PMS1: variants seen among roughly 807,000 people sequenced by gnomAD.
PMS1 encodes the protein PMS1 protein homolog 1.
In PMS1, 79 loss-of-function variants were observed where a neutral mutation model predicts 93.1. The observed-to-expected ratio is 0.85, with a 90% CI of 0.71 to 1.02. The LOEUF is 1.02. Ranked by LOEUF, PMS1 falls within the 50% of genes least tolerant of loss-of-function variation. The pLI is 0.00. For synonymous variants in PMS1, 335 were observed against 363.4 expected, an observed-to-expected ratio of 0.92 and a Z score of 0.89; for missense variants, 1,064 against 1,085.3, an observed-to-expected ratio of 0.98 and a Z score of 0.28.
At chr2:189,869,831 A>AG (rs1348785184) in intron 11 of PMS1, among the ~76,000 whole-genome samples, 1 of 151,860 alleles carries the variant, frequency 6.6e-6, no homozygotes, top group Non-Finnish European at 1.5e-5. Context: ...AAAAAAAAAA[A>AG]AAGATGTTAA....
At position 189,855,145 on chromosome 2, in the gene PMS1, T is replaced by C; in HGVS notation, c.1856+17T>C. 6.2e-7 allele frequency: 1 copy of C among 1,602,696 alleles called. No homozygotes were observed. Among genetic ancestry groups the C allele is most frequent in the Non-Finnish European group, 8.5e-7 (1 of 1,170,678 alleles). Reference sequence around the variant, plus strand: ...AAAACTGAAGTAAGTTTCCAGAGCTTGCATGTGACTTGAATGTTCAGCTAT... The same window carrying C: ...AAAACTGAAGTAAGTTTCCAGAGCTCGCATGTGACTTGAATGTTCAGCTAT... On this transcript the variant is annotated intron_variant, in intron 9 of 12. Coordinates refer to ENST00000441310, the MANE Select transcript of PMS1 (RefSeq NM_000534.5).
rs765529423 is a variant in PMS1, at chr2:189,854,694, T to C, written c.1422T>C (p.His474=). ...AGTCAGAAAATGGCAATAAAGACCATATAGATGAGAGTGGGGAAAATGAGG... is the reference window on the plus strand; with the variant it reads ...AGTCAGAAAATGGCAATAAAGACCACATAGATGAGAGTGGGGAAAATGAGG... ...HTQSENGNKD[H]IDESGENEEE... The change falls in exon 9 of 13, where the codon CAT becomes CAC. Residue 474 remains histidine (H), a synonymous_variant. Transcript: ENST00000441310. 1.1e-5 allele frequency: 18 copies of C among 1,613,708 alleles called. 1 individual carries two copies. In the South Asian group the frequency reaches 1.9e-4, roughly 17 times the overall value.
intron 4 of PMS1, among the ~76,000 whole-genome samples, chr2:189,809,209 A>G (rs942332082): frequency 6.6e-6 from 1 of 152,180 alleles, no homozygotes; most frequent in Admixed American, 6.5e-5. Flanking sequence ...GATATATTCA[A>G]GCAACCATAC....
At chr2:189,862,192 AC>A (rs1212895387) in intron 9 of PMS1, among the ~76,000 whole-genome samples, 1 of 152,164 alleles carries the variant, frequency 6.6e-6, no homozygotes, top group African/African-American at 2.4e-5. Flanking sequence ...TAAAAACAAC[AC>A]ATTTTATCAT....
chr2:189,835,594 A>G (rs186391991), intron 5 of PMS1, among the ~76,000 whole-genome samples: 69 of 152,310 alleles, frequency 4.5e-4, no homozygotes, highest in Middle Eastern at 3.4e-3. Flanking sequence ...AGATCTATTT[A>G]TAGTAACTTG....
intron 3 of PMS1, among the ~76,000 whole-genome samples, chr2:189,803,029 A>ACAGG (rs143617164): frequency 1.2e-3 from 177 of 152,308 alleles, no homozygotes; most frequent in Non-Finnish European, 2.1e-3. Flanking sequence ...CAATACTTGC[A>ACAGG]CAGGCAGGCA....
intron 5 of PMS1, among the ~76,000 whole-genome samples, chr2:189,843,108 C>A (rs2053956924): frequency 6.6e-6 from 1 of 152,020 alleles, no homozygotes; most frequent in South Asian, 2.1e-4. Flanking sequence ...ACCTCCGCCT[C>A]CCCAGTTCAA....
At position 189,855,054 on chromosome 2, in the gene PMS1, T is replaced by G. The variant is rs755308444; in HGVS notation, c.1782T>G (p.Pro594=). Residue 594 remains proline, a synonymous_variant, in exon 9 of 13, where the codon CCT becomes CCG. Transcript: ENST00000441310. Reference sequence around the variant, plus strand: ...GTCCTCAGTTTCTCATAGAAAATCCTAAGACTAGTTTAGAGGATGCAACAC... The same window carrying G: ...GTCCTCAGTTTCTCATAGAAAATCCGAAGACTAGTTTAGAGGATGCAACAC... ...DHRPQFLIEN[P]KTSLEDATLQ... is the part of the protein sequence containing the mutation. 1.6e-5 allele frequency: 26 copies of G among 1,613,204 alleles called. No homozygotes were observed. Among genetic ancestry groups the G allele is most frequent in the Admixed American group, 1.3e-4 (8 of 59,988 alleles).
rs1235598100 is a variant in PMS1 at position 189,858,795 on chromosome 2, TA to T, written c.1856+3669del. ...CTTTAAAATTGTGAATATAGCAAGG[TA>T]AGTAACCAAAGGAGCCATTTTTTTA... On this transcript the variant is annotated intron_variant, in intron 9 of 12. Transcript: ENST00000441310. 2.0e-5 allele frequency among the ~76,000 whole-genome samples: 3 copies of T among 152,218 alleles called. No individual in the cohort carries two copies. In the East Asian group the frequency reaches 5.8e-4, roughly 29 times the overall value.
intron 3 of PMS1, among the ~76,000 whole-genome samples, chr2:189,802,369 A>G (rs2049968607): frequency 6.6e-6 from 1 of 152,210 alleles, no homozygotes; most frequent in Non-Finnish European, 1.5e-5. Context: ...TGTTATTAAG[A>G]AAATTATAAG....
intron 9 of PMS1, among the ~76,000 whole-genome samples, chr2:189,860,307 T>C (rs1481580595): frequency 6.6e-6 from 1 of 152,216 alleles, no homozygotes; most frequent in African/African-American, 2.4e-5. Flanking sequence ...GAACTTCACA[T>C]GTGTATAAAA....
At chr2:189,855,394 G>T (rs1235810883) in intron 9 of PMS1, among the ~76,000 whole-genome samples, 1 of 150,116 alleles carries the variant, frequency 6.7e-6, no homozygotes, top group Non-Finnish European at 1.5e-5. Context: ...TTTGCTAAAG[G>T]TTTTCCATTC....
chr2:189,792,209 T>C (rs1357275277), intron 2 of PMS1, among the ~76,000 whole-genome samples: 2 of 152,224 alleles, frequency 1.3e-5, no homozygotes, highest in African/African-American at 4.8e-5. Context: ...TCTACAAATA[T>C]TGGTTATTCA....
chr2:189,834,526 C>G (rs947794384), intron 5 of PMS1, among the ~76,000 whole-genome samples: 4 of 152,086 alleles, frequency 2.6e-5, no homozygotes, highest in African/African-American at 9.7e-5. Flanking sequence ...GGAAAATGAT[C>G]TCGTTGTCTG....
intron 6 of PMS1, among the ~76,000 whole-genome samples, chr2:189,847,043 A>G (rs953909264): frequency 5.4e-4 from 82 of 151,536 alleles, no homozygotes; most frequent in African/African-American, 7.3e-4. Context: ...TGTATTTTTA[A>G]TAGAGATGGG....
intron 5 of PMS1, 133 bp from the exon 6 acceptor site, chr2:189,843,831 C>T (rs925466038): frequency 1.3e-6 from 1 of 758,532 alleles, no homozygotes; most frequent in South Asian, 1.5e-5. Context: ...CCTCATAGCT[C>T]ATGAATCTCT....
chr2:189,875,903 G>A (rs1238386792), intron 12 of PMS1, among the ~76,000 whole-genome samples: 1 of 144,352 alleles, frequency 6.9e-6, no homozygotes, highest in South Asian at 2.2e-4. Context: ...GTTGGAGTGA[G>A]CTGAGGACGC....
chr2:189,870,085 TATC>T (rs1559333101), intron 11 of PMS1, among the ~76,000 whole-genome samples: 6 of 152,342 alleles, frequency 3.9e-5, no homozygotes, highest in Admixed American at 1.3e-4. Flanking sequence ...TTACTTAGAT[TATC>T]ATCAGCATTA....
At chr2:189,832,671 T>G (rs759624647) in intron 5 of PMS1, among the ~76,000 whole-genome samples, 6 of 152,164 alleles carry the variant, frequency 3.9e-5, no homozygotes, top group African/African-American at 7.2e-5. Context: ...TTCACTGTAT[T>G]AACCAGGATG....
Sources: allele counts gnomAD v4.1 joint callset (sites outside exome capture counted in the v4.1 genomes callset), GRCh38; gene constraint gnomAD v4.1.1; transcripts MANE v1.5; gene names NCBI Gene and HGNC (gene_info 2026-07-23, HGNC 2026-07-21).